Variants in CDH18 observed in about 807,000 individuals in gnomAD.
CDH18 encodes cadherin 18, also known as cadherin-18.
Under a neutral mutation model 67.9 loss-of-function variants are expected in CDH18, and 31 were observed. The observed-to-expected ratio is 0.46, with a 90% CI of 0.34 to 0.62. The LOEUF (loss-of-function observed/expected upper bound fraction) is 0.62. CDH18 is among the 20% of genes least tolerant of loss of function. The pLI is 0.01. For synonymous variants in CDH18, 362 were observed against 347.2 expected, an observed-to-expected ratio of 1.04 and a Z score of -0.48; for missense variants, 890 against 975.5, an observed-to-expected ratio of 0.91 and a Z score of 1.17.
intron 8 of CDH18, among the ~76,000 whole-genome samples, chr5:19,555,737 G>A (rs1016573505): frequency 6.6e-6 from 1 of 152,162 alleles, no homozygotes; most frequent in African/African-American, 2.4e-5. Context: ...GTATGGCTCT[G>A]TTGACTGCCT....
At chr5:20,097,684 G>C (rs1363839084) in intron 2 of CDH18, among the ~76,000 whole-genome samples, 1 of 152,004 alleles carries the variant, frequency 6.6e-6, no homozygotes, top group Non-Finnish European at 1.5e-5. Flanking sequence ...ATTGTCATTT[G>C]CCAACATAAT....
intron 5 of CDH18, among the ~76,000 whole-genome samples, chr5:19,640,939 A>G (rs990786929): frequency 4.6e-5 from 7 of 151,948 alleles, no homozygotes; most frequent in African/African-American, 1.7e-4. Context: ...CTTAGCTGGA[A>G]TGAGAAAAAA....
intron 2 of CDH18, among the ~76,000 whole-genome samples, chr5:19,885,250 CA>C (rs1429119037): frequency 6.6e-6 from 1 of 152,136 alleles, no homozygotes; most frequent in Non-Finnish European, 1.5e-5. Context: ...TTAACTTGTA[CA>C]ATGTATATTA....
At chr5:20,388,460 T>C (rs1487498825) in intron 1 of CDH18, among the ~76,000 whole-genome samples, 3 of 152,146 alleles carry the variant, frequency 2.0e-5, no homozygotes, top group African/African-American at 4.8e-5. Flanking sequence ...CTTCCCTCTT[T>C]TCTTCTTTAT....
chr5:19,582,837 A>T (rs1743493372), intron 7 of CDH18, among the ~76,000 whole-genome samples: 2 of 151,888 alleles, frequency 1.3e-5, no homozygotes. Context: ...TTCGATCCTT[A>T]TTGTGTTACT....
At chr5:19,669,402 C>T (rs1006959461) in intron 5 of CDH18, among the ~76,000 whole-genome samples, 3 of 151,616 alleles carry the variant, frequency 2.0e-5, no homozygotes, top group African/African-American at 7.3e-5. Context: ...AAGTGATTCT[C>T]CTGCCTCAGC....
intron 1 of CDH18, among the ~76,000 whole-genome samples, chr5:20,419,318 G>A (rs1229641158): frequency 1.3e-5 from 2 of 151,940 alleles, no homozygotes; most frequent in Non-Finnish European, 2.9e-5. Flanking sequence ...TATTAGCAGC[G>A]TGAACACGGA....
At chr5:19,536,043 A>C (rs1749360727) in intron 9 of CDH18, among the ~76,000 whole-genome samples, 1 of 152,186 alleles carries the variant, frequency 6.6e-6, no homozygotes, top group Non-Finnish European at 1.5e-5. Flanking sequence ...TGGAGAAACT[A>C]GGAGCAAATT....
At chr5:19,773,639 T>C (rs1305084302) in intron 3 of CDH18, among the ~76,000 whole-genome samples, 1 of 151,996 alleles carries the variant, frequency 6.6e-6, no homozygotes, top group East Asian at 1.9e-4. Context: ...ACTGAGGAGG[T>C]GGTATCTTTT....
At chr5:19,843,217 GAAAAAA>G (rs1247477261) in intron 2 of CDH18, among the ~76,000 whole-genome samples, 1 of 152,126 alleles carries the variant, frequency 6.6e-6, no homozygotes, top group African/African-American at 2.4e-5. Flanking sequence ...TCCTAGGCGG[GAAAAAA>G]ATGGTTTCCT....
intron 1 of CDH18, among the ~76,000 whole-genome samples, chr5:20,444,579 G>C (rs1185222321): frequency 6.6e-6 from 1 of 152,064 alleles, no homozygotes; most frequent in African/African-American, 2.4e-5. Context: ...TCCTCTCTTA[G>C]TTATTTTAGA....
chr5:20,234,726 T>C (rs1554105711), intron 2 of CDH18, among the ~76,000 whole-genome samples: 1 of 151,512 alleles, frequency 6.6e-6, no homozygotes, highest in Non-Finnish European at 1.5e-5. Context: ...AAAACAGAAT[T>C]AAAAAAAAAT....
At chr5:20,346,048 C>T (rs1372717977) in intron 1 of CDH18, among the ~76,000 whole-genome samples, 1 of 152,154 alleles carries the variant, frequency 6.6e-6, no homozygotes, top group Non-Finnish European at 1.5e-5. Context: ...CTCTCACTTT[C>T]CTAAATGTTT....
intron 1 of CDH18, among the ~76,000 whole-genome samples, chr5:20,423,946 CAAAAAAAAAAAAA>C (rs553723574): frequency 4.7e-5 from 3 of 63,858 alleles, no homozygotes; most frequent in African/African-American, 1.8e-4. Flanking sequence ...GACTCCGTCT[CAAAAAAAAAAAAA>C]AAAAAAAAAA....
intron 1 of CDH18, among the ~76,000 whole-genome samples, chr5:20,469,704 C>T (rs1190478816): frequency 6.6e-6 from 1 of 152,138 alleles, no homozygotes; most frequent in Non-Finnish European, 1.5e-5. Flanking sequence ...GTCTTCATTG[C>T]TCCCTCCAGT....
intron 2 of CDH18, among the ~76,000 whole-genome samples, chr5:20,083,635 T>TA (rs1346775281): frequency 1.3e-5 from 2 of 152,178 alleles, no homozygotes; most frequent in African/African-American, 4.8e-5. Context: ...ACACTGCTGA[T>TA]AAAGACATGC....
At chr5:20,395,397 C>T (rs1395306698) in intron 1 of CDH18, among the ~76,000 whole-genome samples, 1 of 152,006 alleles carries the variant, frequency 6.6e-6, no homozygotes. Context: ...CCTATGGGTA[C>T]TCAAAGGCCT....
chr5:19,808,331 A>AAT (rs1554038778), intron 3 of CDH18, among the ~76,000 whole-genome samples: 5 of 151,916 alleles, frequency 3.3e-5, no homozygotes, highest in African/African-American at 1.2e-4. Context: ...AAAAAAAACA[A>AAT]AAATAAAACT....
chr5:20,162,728 A>G (rs1735988091), intron 2 of CDH18, among the ~76,000 whole-genome samples: 1 of 151,684 alleles, frequency 6.6e-6, no homozygotes, highest in African/African-American at 2.4e-5. Flanking sequence ...TGTCTTTATA[A>G]TATTCATATG....
Sources: gnomAD v4.1 joint callset for allele counts (sites outside exome capture counted in the v4.1 genomes callset) on GRCh38, gnomAD v4.1.1 for gene constraint, MANE v1.5 for transcripts, NCBI Gene and HGNC (gene_info 2026-07-23, HGNC 2026-07-21) for gene names.